GLRA3: variants seen among roughly 807,000 people sequenced by gnomAD.
GLRA3 encodes the protein glycine receptor subunit alpha-3.
GLRA3 carries 44 observed loss-of-function variants against 60.4 expected under a neutral mutation model. The ratio of observed to expected loss-of-function variants is 0.73; its 90% CI spans 0.57 to 0.94. GLRA3 has a LOEUF of 0.94. Among genes scored for constraint, GLRA3 ranks in the 40% least tolerant of loss-of-function variants. The probability of loss-of-function intolerance (pLI) is 0.00; values close to 1 mark genes in which losing one functional copy is unlikely to be tolerated. For missense variants in GLRA3, 508 were observed against 564.6 expected, an observed-to-expected ratio of 0.90 and a Z score of 1.02; for synonymous variants, 223 against 192.9, an observed-to-expected ratio of 1.16 and a Z score of -1.29.
rs986593024 is a variant in GLRA3 at position 174,828,975 on chromosome 4, T to G, written c.-164A>C. ...CAGCTCCCCGCAGTATGCGGACCCCTTCTCAGCATTGAGCAGAAGTGGAGA... is the reference window on the plus strand; with the variant it reads ...CAGCTCCCCGCAGTATGCGGACCCCGTCTCAGCATTGAGCAGAAGTGGAGA... On this transcript the variant is annotated 5_prime_UTR_variant, in exon 1 of 10. Transcript: ENST00000274093. 1 of 611,238 alleles carries G rather than the reference T, an allele frequency of 1.6e-6. No individual in the cohort carries two copies. The highest frequency in any genetic ancestry group is 3.0e-6 in the Non-Finnish European group (1 of 337,548). The allele number at this position is 611,238 out of a possible 1,614,324, so 37.9% of individuals were successfully genotyped here.
chr4:174,772,052 A>T (rs771007835), intron 2 of GLRA3, among the ~76,000 whole-genome samples: 4 of 152,170 alleles, frequency 2.6e-5, no homozygotes, highest in Non-Finnish European at 5.9e-5. Flanking sequence ...TGGAGGAGCA[A>T]ACTTCTGATA....
chr4:174,740,374 C>G (rs1736971095), intron 3 of GLRA3, among the ~76,000 whole-genome samples: 1 of 152,060 alleles, frequency 6.6e-6, no homozygotes, highest in Non-Finnish European at 1.5e-5. Context: ...CTGAAGGAGC[C>G]ACATGTAAGA....
chr4:174,682,771 G>C, intron 6 of GLRA3, 31 bp downstream of exon 6: 1 of 1,491,740 alleles, frequency 6.7e-7, no homozygotes, highest in South Asian at 1.2e-5. Context: ...ACCACAAGTA[G>C]TAAGTGTAAA....
chr4:174,818,344 T>C (rs1286438981), intron 1 of GLRA3, among the ~76,000 whole-genome samples: 2 of 152,206 alleles, frequency 1.3e-5, no homozygotes, highest in Non-Finnish European at 2.9e-5. Flanking sequence ...ATCAAGCTTT[T>C]CCAGTGTAAT....
In GLRA3 at chr4:174,659,086, G is replaced by A. The variant is rs748841046; in HGVS notation, c.1039C>T (p.Leu347Phe). The part of the protein sequence containing the change: ...VNFVSRQHKE[L>F]LRFRRKRKNK... ...TTTCTCTTTCGTCGAAATCTCAGAA[G>A]TTCTTTGTGTTGTCTTGATACAAAA... is the stretch of plus-strand genomic sequence containing the variant. The change falls in exon 8 of 10, where the codon CTT becomes TTT. Residue 347 changes from leucine to phenylalanine, a missense_variant. Physicochemically the swap from Leu to Phe is conservative, Grantham distance 22. This residue lies in a region of GLRA3 where 176 missense variants were observed against 197.9 expected (regional missense o/e 0.89). Transcript: ENST00000274093. 8 of 1,613,024 alleles carry A rather than the reference G, an allele frequency of 5.0e-6. No individual in the cohort carries two copies. The highest frequency in any genetic ancestry group is 1.7e-5 in the Admixed American group (1 of 59,970).
In GLRA3 at chr4:174,643,254, C is replaced by T; in HGVS notation, c.*532G>A. ...TTTAATGCTCTTATTTAAAAATTTT[C>T]AAAATTACATATGTTGTTTAAATAG... On this transcript the variant is annotated 3_prime_UTR_variant, in exon 10 of 10. Coordinates refer to ENST00000274093, the MANE Select transcript of GLRA3 (RefSeq NM_006529.4). The T allele has an allele frequency of 1.3e-5, 9 of 679,462 alleles. No homozygotes were observed. The highest frequency in any genetic ancestry group is 1.3e-5 in the Non-Finnish European group (7 of 555,110). 42.1% of individuals were successfully genotyped at this position (679,462 alleles called of 1,614,324 possible).
chr4:174,677,405 G>A (rs552163628), intron 6 of GLRA3, 113 bp from the exon 7 acceptor site: 26 of 653,300 alleles, frequency 4.0e-5, no homozygotes, highest in African/African-American at 5.4e-5. Flanking sequence ...TGTCCCCCAG[G>A]CTGGAGTGAA....
intron 3 of GLRA3, among the ~76,000 whole-genome samples, chr4:174,733,456 A>G (rs10013656): frequency 0.42 from 63,116 of 151,936 alleles, 13,480 homozygotes; most frequent in South Asian, 0.47. Flanking sequence ...TCAAATTTCA[A>G]AGATAGCAAA....
chr4:174,821,151 A>G (rs1740726304), intron 1 of GLRA3, among the ~76,000 whole-genome samples: 1 of 152,208 alleles, frequency 6.6e-6, no homozygotes, highest in Admixed American at 6.6e-5. Context: ...AAATATTTCC[A>G]ATATTATTTT....
intron 1 of GLRA3, among the ~76,000 whole-genome samples, chr4:174,823,896 A>ACTTGGTT (rs1237088322): frequency 1.3e-5 from 2 of 152,220 alleles, no homozygotes; most frequent in Admixed American, 6.5e-5. Flanking sequence ...CAACTTCATC[A>ACTTGGTT]CTTGGTTCTA....
In GLRA3 at chr4:174,638,754, C is replaced by T. The variant is rs779875846; in HGVS notation, c.*5032G>A. The stretch of plus-strand genomic sequence containing the variant: ...CTCTCACTTCTGGAATTTTTTCAAT[C>T]ATCCAGAATTTCAGATCTTATTCCA... On this transcript the variant is annotated 3_prime_UTR_variant, in exon 10 of 10. Transcript: ENST00000274093. 2.6e-5 allele frequency: 4 copies of T among 152,156 alleles called. No homozygotes were observed. The highest frequency in any genetic ancestry group is 5.9e-5 in the Non-Finnish European group (4 of 68,028). 9.4% of individuals were successfully genotyped at this position (152,156 alleles called of 1,614,324 possible).
chr4:174,788,581 T>C (rs886122810), intron 2 of GLRA3, among the ~76,000 whole-genome samples: 1 of 114,640 alleles, frequency 8.7e-6, no homozygotes, highest in Non-Finnish European at 1.8e-5. Flanking sequence ...ATTATAACAG[T>C]TAGAGAAGTA....
At chr4:174,785,215 G>A (rs1739075225) in intron 2 of GLRA3, among the ~76,000 whole-genome samples, 1 of 151,890 alleles carries the variant, frequency 6.6e-6, no homozygotes, top group Non-Finnish European at 1.5e-5. Context: ...CATAATTTTG[G>A]TTAAGTAAAA....
chr4:174,670,995 CCT>C (rs1491303440), intron 7 of GLRA3, among the ~76,000 whole-genome samples: 1 of 151,622 alleles, frequency 6.6e-6, no homozygotes, highest in East Asian at 1.9e-4. Context: ...ATTTTCTGGG[CCT>C]TTTTTCTTTT....
At position 174,638,909 on chromosome 4, in the gene GLRA3, G is replaced by A. The variant is rs1473314509; in HGVS notation, c.*4877C>T. The A allele has an allele frequency of 6.6e-6, 1 of 152,166 alleles. No homozygotes were observed. The highest frequency in any genetic ancestry group is 1.5e-5 in the Non-Finnish European group (1 of 68,026). 9.4% of individuals were successfully genotyped at this position (152,166 alleles called of 1,614,324 possible). On this transcript the variant is annotated 3_prime_UTR_variant, in exon 10 of 10. Coordinates refer to ENST00000274093, the MANE Select transcript of GLRA3 (RefSeq NM_006529.4). ...AAGCATATGTATGTATTTTTAAAAT[G>A]TGTAAGGAATTCCAACACATAGCCA... is the stretch of plus-strand genomic sequence containing the variant.
intron 2 of GLRA3, among the ~76,000 whole-genome samples, chr4:174,773,962 A>G (rs541963972): frequency 0.015 from 1,049 of 70,184 alleles, 7 homozygotes; most frequent in African/African-American, 0.041. Context: ...AGAGAGGAAA[A>G]TGTACACCCA....
At chr4:174,729,104 A>G (rs550816435) in intron 3 of GLRA3, among the ~76,000 whole-genome samples, 7 of 152,308 alleles carry the variant, frequency 4.6e-5, no homozygotes, top group African/African-American at 1.7e-4. Context: ...TCAGTGACCT[A>G]TATGCCTCCA....
At chr4:174,817,831 G>A (rs1028588761) in intron 1 of GLRA3, among the ~76,000 whole-genome samples, 4 of 151,936 alleles carry the variant, frequency 2.6e-5, no homozygotes, top group African/African-American at 7.3e-5. Context: ...GGTCTTGAAC[G>A]CCTGACCTCT....
At chr4:174,697,780 T>C (rs561239415) in intron 5 of GLRA3, among the ~76,000 whole-genome samples, 2 of 152,332 alleles carry the variant, frequency 1.3e-5, no homozygotes, top group Non-Finnish European at 2.9e-5. Context: ...TTGTTCATAT[T>C]TCTCAAAACT....
Sources: gnomAD v4.1 joint callset for allele counts (sites outside exome capture counted in the v4.1 genomes callset) on GRCh38, gnomAD v4.1.1 for gene constraint, gnomAD v4.1.1 regional missense constraint, MANE v1.5 for transcripts, NCBI Gene and HGNC (gene_info 2026-07-23, HGNC 2026-07-21) for gene names.